The following NRTN variants were observed in gnomAD, a reference collection of about 807,000 sequenced individuals.
NRTN encodes the protein neurturin, also known as prepro-neurturin.
In NRTN, 3 loss-of-function variants were observed where a neutral mutation model predicts 7.5. The ratio of observed to expected loss-of-function variants is 0.40; its 90% CI spans 0.18 to 1.03. The LOEUF (loss-of-function observed/expected upper bound fraction) is 1.03, where lower values mean the gene tolerates loss of function less well. Ranked by LOEUF, NRTN falls within the 50% of genes least tolerant of loss-of-function variation. The pLI is 0.34. For missense variants in NRTN, 310 were observed against 307.0 expected, an observed-to-expected ratio of 1.01 and a Z score of -0.07; for synonymous variants, 157 against 146.6, an observed-to-expected ratio of 1.07 and a Z score of -0.51.
rs1200571653 is a variant in NRTN, at chr19:5,828,059, C to T, written c.480C>T (p.Arg160=). ...QRRRLRRERV[R]AQPCCRPTAY... ...GGCGCCTGCGGCGGGAGCGGGTGCGCGCGCAGCCCTGCTGCCGCCCGACGG... is the reference window on the plus strand; with the variant it reads ...GGCGCCTGCGGCGGGAGCGGGTGCGTGCGCAGCCCTGCTGCCGCCCGACGG... The change falls in exon 3 of 3, where the codon CGC becomes CGT. Residue 160 remains arginine (R), a synonymous_variant. Transcript: ENST00000303212. The T allele has an allele frequency of 2.1e-6, 3 of 1,435,404 alleles. No individual in the cohort carries two copies. The highest frequency in any genetic ancestry group is 9.1e-7 in the Non-Finnish European group (1 of 1,101,128). 88.9% of individuals were successfully genotyped at this position (1,435,404 alleles called of 1,614,324 possible). A position where few individuals can be genotyped will look rare whatever the true frequency, so the allele number is the denominator to read the frequency against.
intron 1 of NRTN, among the ~76,000 whole-genome samples, chr19:5,813,754 C>T (rs925361421): frequency 2.0e-5 from 3 of 149,656 alleles, no homozygotes; most frequent in Admixed American, 2.0e-4. Flanking sequence ...ACAGGAGAAT[C>T]GCTTGAACTC....
At chr19:5,821,203 C>T (rs748470031) in intron 1 of NRTN, among the ~76,000 whole-genome samples, 35 of 150,666 alleles carry the variant, frequency 2.3e-4, no homozygotes, top group Admixed American at 4.0e-4. Context: ...GTTTCTTTTT[C>T]ATCCTCCCAA....
intron 1 of NRTN, among the ~76,000 whole-genome samples, chr19:5,822,579 C>T (rs998734983): frequency 3.9e-5 from 6 of 152,182 alleles, no homozygotes; most frequent in East Asian, 3.9e-4. Context: ...AACTGGTGCC[C>T]GAATGGGTAA....
intron 1 of NRTN, among the ~76,000 whole-genome samples, chr19:5,818,145 G>A (rs953459253): frequency 6.6e-6 from 1 of 152,156 alleles, no homozygotes; most frequent in East Asian, 1.9e-4. Context: ...TGTATTTTTA[G>A]TAGAGACAGG....
chr19:5,824,070 CCCCACA>C lies in NRTN; in HGVS notation c.-94_-89del. Reference sequence around the variant, plus strand: ...TTCGGCAGGCGTTCAAAGTCAAAGGCCCCACACTGAGTCCTGGCCCAGCGCCCTGTG... The same window carrying C: ...TTCGGCAGGCGTTCAAAGTCAAAGGCCTGAGTCCTGGCCCAGCGCCCTGTG... On this transcript the variant is annotated 5_prime_UTR_variant, in exon 2 of 3. Coordinates refer to ENST00000303212, the MANE Select transcript of NRTN (RefSeq NM_004558.5). 1 of 1,490,410 alleles carries C rather than the reference CCCCACA, an allele frequency of 6.7e-7. No homozygotes were observed. Among genetic ancestry groups the C allele is most frequent in the Non-Finnish European group, 9.2e-7 (1 of 1,084,106 alleles). 92.3% of individuals were successfully genotyped at this position (1,490,410 alleles called of 1,614,324 possible). A position where few individuals can be genotyped will look rare whatever the true frequency, so the allele number is the denominator to read the frequency against.
intron 1 of NRTN, among the ~76,000 whole-genome samples, chr19:5,813,064 G>C (rs577553786): frequency 6.6e-6 from 1 of 152,264 alleles, no homozygotes; most frequent in East Asian, 1.9e-4. Flanking sequence ...GTGCTGGGTG[G>C]CACCCTTCGT....
chr19:5,817,623 AAAG>A (rs200754285), intron 1 of NRTN, among the ~76,000 whole-genome samples: 1,083 of 89,612 alleles, frequency 0.012, 12 homozygotes, highest in African/African-American at 0.047. Flanking sequence ...AGAGAAAGAA[AAAG>A]AAGAAGGCAG....
At chr19:5,817,552 T>TAGGA (rs556508039) in intron 1 of NRTN, among the ~76,000 whole-genome samples, 7 of 78,324 alleles carry the variant, frequency 8.9e-5, no homozygotes, top group Non-Finnish European at 1.7e-4. Flanking sequence ...AGAAAGGAAA[T>TAGGA]AGGAAGGAAG....
chr19:5,809,996 T>C (rs962245052), intron 1 of NRTN, among the ~76,000 whole-genome samples: 15 of 152,122 alleles, frequency 9.9e-5, no homozygotes, highest in African/African-American at 3.6e-4. Context: ...CCAGGTGTGG[T>C]GGCTCATGCC....
intron 1 of NRTN, among the ~76,000 whole-genome samples, chr19:5,822,225 ATC>A (rs1375390963): frequency 6.6e-6 from 1 of 151,572 alleles, no homozygotes; most frequent in Admixed American, 6.6e-5. Flanking sequence ...ATGCAAATAA[ATC>A]TCTGGGTGGT....
At chr19:5,805,845 G>C (rs906005968) in intron 1 of NRTN, among the ~76,000 whole-genome samples, 5 of 152,110 alleles carry the variant, frequency 3.3e-5, no homozygotes, top group African/African-American at 4.8e-5. Flanking sequence ...GGGGCCGTTG[G>C]GGGGCTTCCG....
At chr19:5,818,635 T>G (rs1224461863) in intron 1 of NRTN, among the ~76,000 whole-genome samples, 1 of 152,032 alleles carries the variant, frequency 6.6e-6, no homozygotes. Flanking sequence ...TGGGCACTCC[T>G]GTACCTACAA....
At chr19:5,825,462 T>C (rs28481711) in intron 2 of NRTN, among the ~76,000 whole-genome samples, 9,059 of 152,324 alleles carry the variant, frequency 0.059, 899 homozygotes, top group African/African-American at 0.21. Flanking sequence ...AATCCTCTTT[T>C]CTTGTCCTTA....
At chr19:5,811,152 C>T (rs1459756759) in intron 1 of NRTN, among the ~76,000 whole-genome samples, 11 of 151,984 alleles carry the variant, frequency 7.2e-5, no homozygotes, top group African/African-American at 1.2e-4. Context: ...GGCAGGAGAA[C>T]CGCTTGAACC....
intron 1 of NRTN, among the ~76,000 whole-genome samples, chr19:5,819,826 G>C (rs1180621701): frequency 2.0e-5 from 3 of 151,860 alleles, no homozygotes; most frequent in African/African-American, 7.3e-5. Context: ...CTCCAGCCTG[G>C]GCAACAGAGT....
At chr19:5,824,650 C>T (rs758576804) in intron 2 of NRTN, among the ~76,000 whole-genome samples, 3 of 152,132 alleles carry the variant, frequency 2.0e-5, no homozygotes, top group Admixed American at 6.5e-5. Flanking sequence ...GGTGTAGTGG[C>T]GCACGCCTGT....
At chr19:5,817,322 C>G (rs2057007970) in intron 1 of NRTN, among the ~76,000 whole-genome samples, 1 of 151,380 alleles carries the variant, frequency 6.6e-6, no homozygotes, top group East Asian at 1.9e-4. Flanking sequence ...CCACTGCACT[C>G]CAGCCTGGGC....
chr19:5,805,412 G>GT lies in NRTN; in HGVS notation c.-438_-437insT. Among the ~76,000 whole-genome samples, 1 of 50 alleles carries GT rather than the reference G, an allele frequency of 0.02. No individual in the cohort carries two copies. Among genetic ancestry groups the GT allele is most frequent in the Non-Finnish European group, 0.056 (1 of 18 alleles). 0.0% of individuals were successfully genotyped at this position (50 alleles called of 152,430 possible). On this transcript the variant is annotated 5_prime_UTR_variant, in exon 1 of 3. The change creates a premature stop within an existing upstream ORF in the 5' untranslated region. Coordinates refer to ENST00000303212, the MANE Select transcript of NRTN (RefSeq NM_004558.5). ...GGCGGCTGGGGCAGGGGCTGGGGCCGCGCGGCCGCCACTGACGGGTAGTCC... is the reference window on the plus strand; with the variant it reads ...GGCGGCTGGGGCAGGGGCTGGGGCCGTCGCGGCCGCCACTGACGGGTAGTCC...
At chr19:5,825,413 C>G (rs1045479415) in intron 2 of NRTN, among the ~76,000 whole-genome samples, 38 of 152,200 alleles carry the variant, frequency 2.5e-4, no homozygotes, top group Non-Finnish European at 5.0e-4. Flanking sequence ...CACGAGTACG[C>G]CCATGTGCGC....
Sources: allele counts gnomAD v4.1 joint callset (sites outside exome capture counted in the v4.1 genomes callset), GRCh38; gene constraint gnomAD v4.1.1; transcripts MANE v1.5; gene names NCBI Gene and HGNC (gene_info 2026-07-23, HGNC 2026-07-21).